RPS6KC1: variants seen among roughly 807,000 people sequenced by gnomAD.
The protein encoded by RPS6KC1 is inactive ribosomal protein S6 kinase delta-1.
Under a neutral mutation model 103.8 loss-of-function variants are expected in RPS6KC1, and 54 were observed. That is an observed-to-expected ratio of 0.52 (90% CI 0.42 to 0.65). The LOEUF (loss-of-function observed/expected upper bound fraction) is 0.65, where lower values mean the gene tolerates loss of function less well. Ranked by LOEUF, RPS6KC1 falls within the 30% of genes least tolerant of loss-of-function variation. RPS6KC1 has a pLI of 0.00. For missense variants in RPS6KC1, 1,151 were observed against 1,253.8 expected (o/e 0.92, Z 1.24); for synonymous variants, 439 against 438.7 (o/e 1.00, Z -0.01).
At chr1:213,433,254 G>A in the RPS6KC1 span, among the ~76,000 whole-genome samples, 1 of 152,188 alleles carries the variant, frequency 6.6e-6, no homozygotes, top group Non-Finnish European at 1.5e-5. Context: ...TCTGACCACA[G>A]CTGGGAACAA....
At chr1:213,162,562 C>A (rs894167845) in intron 6 of RPS6KC1, among the ~76,000 whole-genome samples, 5 of 152,156 alleles carry the variant, frequency 3.3e-5, no homozygotes, top group Admixed American at 6.5e-5. Context: ...AGATTACAGG[C>A]GTGAGTCACC....
At chr1:213,328,504 C>CTACATATATATA in the RPS6KC1 span, among the ~76,000 whole-genome samples, 1 of 101,446 alleles carries the variant, frequency 9.9e-6, no homozygotes, top group Non-Finnish European at 2.1e-5. Flanking sequence ...AGCCATTATA[C>CTACATATATATA]TATATATATA....
the RPS6KC1 span, among the ~76,000 whole-genome samples, chr1:213,466,768 T>C: frequency 6.6e-6 from 1 of 151,954 alleles, no homozygotes; most frequent in Non-Finnish European, 1.5e-5. Context: ...CCTGAGATTT[T>C]GGGGTTGAGA....
the RPS6KC1 span, among the ~76,000 whole-genome samples, chr1:213,392,734 G>A: frequency 1.3e-5 from 2 of 152,160 alleles, no homozygotes; most frequent in Admixed American, 6.5e-5. Context: ...AGTGTGCCAA[G>A]GAAAACTGCT....
At chr1:213,365,601 T>C in the RPS6KC1 span, among the ~76,000 whole-genome samples, 4 of 152,354 alleles carry the variant, frequency 2.6e-5, no homozygotes, top group East Asian at 7.7e-4. Context: ...TACAAAAGAC[T>C]TGTGGCTCTT....
At chr1:213,772,735 A>T in the RPS6KC1 span, among the ~76,000 whole-genome samples, 2 of 152,102 alleles carry the variant, frequency 1.3e-5, no homozygotes, top group Admixed American at 6.5e-5. Flanking sequence ...TGGTGTCTGA[A>T]CACCCCGGAG....
chr1:213,628,315 A>G, the RPS6KC1 span, among the ~76,000 whole-genome samples: 2 of 151,248 alleles, frequency 1.3e-5, no homozygotes, highest in Non-Finnish European at 2.9e-5. Context: ...TCTCTCTTTT[A>G]TTCTTTATTA....
chr1:213,861,780 C>G, the RPS6KC1 span, among the ~76,000 whole-genome samples: 103 of 152,308 alleles, frequency 6.8e-4, 1 homozygote, highest in East Asian at 0.012. Flanking sequence ...ATGATGTGAA[C>G]ATTTTACTGT....
chr1:213,460,405 CTTTTTTTT>C, the RPS6KC1 span, among the ~76,000 whole-genome samples: 39 of 111,158 alleles, frequency 3.5e-4, no homozygotes, highest in African/African-American at 1.3e-3. Context: ...GCAACCCCTG[CTTTTTTTT>C]TTTTTTTTTT....
rs374493056 is a variant in RPS6KC1, at chr1:213,204,158, A to G, written c.1045-26339A>G. Among the ~76,000 whole-genome samples, 100 of 152,196 alleles carry G rather than the reference A, an allele frequency of 6.6e-4. 1 individual carries two copies. The South Asian group carries it at 0.02, about 30-fold the overall frequency. ...TCAGCTCTTGTAGAGCACAGACCCT[A>G]TCTGCTGTGTTCATGGTTTTTCTTT... On this transcript the variant is annotated intron_variant, in intron 8 of 14. Coordinates refer to ENST00000366960, the MANE Select transcript of RPS6KC1 (RefSeq NM_012424.6).
chr1:213,051,912 T>G (rs558522404), intron 1 of RPS6KC1, among the ~76,000 whole-genome samples: 16 of 152,352 alleles, frequency 1.1e-4, no homozygotes, highest in African/African-American at 3.4e-4. Flanking sequence ...ATAAGTTGTT[T>G]TTTCTCTTGA....
the RPS6KC1 span, among the ~76,000 whole-genome samples, chr1:213,366,671 G>A: frequency 2.6e-4 from 39 of 152,294 alleles, no homozygotes; most frequent in Non-Finnish European, 4.6e-4. Context: ...ACAGAGTTGC[G>A]GAATGGGAAT....
At chr1:213,153,970 C>T (rs997218864) in intron 6 of RPS6KC1, among the ~76,000 whole-genome samples, 2 of 152,138 alleles carry the variant, frequency 1.3e-5, no homozygotes, top group Admixed American at 6.5e-5. Flanking sequence ...CTTTAGGGCT[C>T]ACCACAAGCC....
the RPS6KC1 span, among the ~76,000 whole-genome samples, chr1:213,827,355 A>G: frequency 6.6e-6 from 1 of 152,146 alleles, no homozygotes; most frequent in East Asian, 1.9e-4. Flanking sequence ...CTTAACTTTT[A>G]GCTCACGGCT....
chr1:213,456,709 T>C, the RPS6KC1 span, among the ~76,000 whole-genome samples: 1 of 152,250 alleles, frequency 6.6e-6, no homozygotes, highest in African/African-American at 2.4e-5. Flanking sequence ...AAGCAGTTGC[T>C]ATTCCATAAA....
At chr1:213,634,533 A>C in the RPS6KC1 span, among the ~76,000 whole-genome samples, 1 of 152,246 alleles carries the variant, frequency 6.6e-6, no homozygotes, top group Admixed American at 6.5e-5. Flanking sequence ...GAAACCAATG[A>C]GAATGAAGAC....
chr1:213,309,063 G>A, the RPS6KC1 span, among the ~76,000 whole-genome samples: 12 of 152,156 alleles, frequency 7.9e-5, no homozygotes, highest in African/African-American at 2.4e-4. Flanking sequence ...AGGCCGAGGT[G>A]GGTGGATCAC....
chr1:213,166,518 G>T (rs1273915408), intron 6 of RPS6KC1, among the ~76,000 whole-genome samples: 1 of 152,134 alleles, frequency 6.6e-6, no homozygotes, highest in Non-Finnish European at 1.5e-5. Context: ...GATTGTAAGG[G>T]TAGAGGCAGA....
At chr1:213,615,555 C>G in the RPS6KC1 span, among the ~76,000 whole-genome samples, 2 of 152,212 alleles carry the variant, frequency 1.3e-5, no homozygotes, top group Admixed American at 6.5e-5. Context: ...CATCAGGAAG[C>G]CTGTTAAGAG....
Sources: allele counts gnomAD v4.1 joint callset (sites outside exome capture counted in the v4.1 genomes callset), GRCh38; gene constraint gnomAD v4.1.1; transcripts MANE v1.5; gene names NCBI Gene and HGNC (gene_info 2026-07-23, HGNC 2026-07-21).